Variants in HMMR observed in about 807,000 individuals in gnomAD.
The protein encoded by HMMR is intracellular hyaluronic acid-binding protein.
A neutral mutation model predicts 101.0 loss-of-function variants in HMMR; 108 were observed. The ratio of observed to expected loss-of-function variants is 1.07; its 90% CI spans 0.92 to 1.25. The LOEUF (loss-of-function observed/expected upper bound fraction) is 1.25. HMMR is among the 50% of genes most tolerant of loss of function. HMMR has a pLI of 0.00. For missense variants in HMMR, 813 were observed against 788.7 expected (o/e 1.03, Z -0.37); for synonymous variants, 296 against 276.4 (o/e 1.07, Z -0.70).
At chr5:163,468,824 T>C (rs937239392) in intron 4 of HMMR, among the ~76,000 whole-genome samples, 1 of 152,154 alleles carries the variant, frequency 6.6e-6, no homozygotes, top group African/African-American at 2.4e-5. Context: ...ATTAAAAATA[T>C]CATTTCATTG....
At chr5:163,469,313 G>A (rs1433901868) in intron 4 of HMMR, among the ~76,000 whole-genome samples, 4 of 149,794 alleles carry the variant, frequency 2.7e-5, no homozygotes, top group Non-Finnish European at 5.9e-5. Flanking sequence ...GCAGTGAGCC[G>A]AGATCGTGCC....
intron 12 of HMMR, among the ~76,000 whole-genome samples, chr5:163,482,199 G>A (rs1759291715): frequency 6.6e-6 from 1 of 152,154 alleles, no homozygotes; most frequent in Admixed American, 6.6e-5. Flanking sequence ...TTACAGGCAT[G>A]AGCCACCACG....
chr5:163,460,843 C>A, intron 1 of HMMR, 105 bp downstream of exon 1: 4 of 932,010 alleles, frequency 4.3e-6, no homozygotes, highest in Non-Finnish European at 6.9e-6. Context: ...TAGGGTCGGG[C>A]TGGGGCTCAT....
intron 3 of HMMR, among the ~76,000 whole-genome samples, chr5:163,466,765 G>A (rs541749696): frequency 2.0e-5 from 3 of 152,002 alleles, no homozygotes; most frequent in Non-Finnish European, 4.4e-5. Flanking sequence ...AAATATATTT[G>A]ATATGTTGGG....
intron 7 of HMMR, among the ~76,000 whole-genome samples, chr5:163,472,348 C>T (rs1171733243): frequency 6.6e-6 from 1 of 152,052 alleles, no homozygotes; most frequent in African/African-American, 2.4e-5. Context: ...CATCTCTTTA[C>T]TCTTCTCCTT....
At chr5:163,461,673 GACT>G (rs1561633751) in intron 1 of HMMR, among the ~76,000 whole-genome samples, 1 of 151,826 alleles carries the variant, frequency 6.6e-6, no homozygotes, top group Non-Finnish European at 1.5e-5. Flanking sequence ...AGTCCCAGCT[GACT>G]ACAGGCTGAG....
intron 3 of HMMR, 42 bp downstream of exon 3, chr5:163,464,844 A>T: frequency 8.6e-7 from 1 of 1,158,700 alleles, no homozygotes; most frequent in Admixed American, 1.8e-5. Context: ...CAAGTGTATC[A>T]TCAAAAACAT....
Position 163,483,384 on chromosome 5 carries a change from T to A in HMMR, c.1785+17T>A. 1 of 1,338,066 alleles carries A rather than the reference T, an allele frequency of 7.5e-7. No homozygotes were observed. Among genetic ancestry groups the A allele is most frequent in the Non-Finnish European group, 1.1e-6 (1 of 939,112 alleles). The allele number at this position is 1,338,066 out of a possible 1,614,324, so 82.9% of individuals were successfully genotyped here. A position where few individuals can be genotyped will look rare whatever the true frequency, so the allele number is the denominator to read the frequency against. On this transcript the variant is annotated intron_variant, in intron 15 of 17. Coordinates refer to ENST00000393915, the MANE Select transcript of HMMR (RefSeq NM_001142556.2). ...CCTTTTCAGGTTTGTCAGTTAGGAG[T>A]AAACTTACTTGTGTTTATTTTAGGG...
chr5:163,474,252 A>C, intron 10 of HMMR, 47 bp downstream of exon 10: 1 of 1,440,228 alleles, frequency 6.9e-7, no homozygotes, highest in African/African-American at 1.4e-5. Flanking sequence ...TGTGTCATAC[A>C]TTTCCCTATG....
Position 163,483,319 on chromosome 5 carries a change from G to GT in HMMR, c.1738dup (p.Trp580LeufsTer6). 1 of 1,610,420 alleles carries GT rather than the reference G, an allele frequency of 6.2e-7. No individual in the cohort carries two copies. Among genetic ancestry groups the GT allele is most frequent in the Non-Finnish European group, 8.5e-7 (1 of 1,176,996 alleles). ...CAGAATTAACTGAAGAAATTAACAA[G>GT]TGGCGTCTCCTCTATGAAGAACTAT... On this transcript the variant is annotated frameshift_variant, in exon 15 of 18. Transcript: ENST00000393915. LOFTEE classifies it high-confidence loss of function.
At chr5:163,490,305 T>C (rs749118742) in intron 16 of HMMR, 85 bp from the exon 17 acceptor site, 19 of 856,494 alleles carry the variant, frequency 2.2e-5, no homozygotes, top group South Asian at 3.6e-5. Flanking sequence ...TAAACAACTT[T>C]GGAATTTGCC....
chr5:163,479,818 T>C (rs1263386873), intron 12 of HMMR, among the ~76,000 whole-genome samples: 1 of 152,204 alleles, frequency 6.6e-6, no homozygotes, highest in African/African-American at 2.4e-5. Context: ...TTTTCTTCTC[T>C]TGACAGAGAA....
intron 2 of HMMR, 75 bp from the exon 3 acceptor site, chr5:163,464,648 T>A (rs908744945): frequency 5.0e-6 from 5 of 996,100 alleles, no homozygotes; most frequent in Admixed American, 4.4e-5. Context: ...GACAAAAAAA[T>A]TTGGAAATTG....
chr5:163,489,752 G>A (rs954923301), intron 16 of HMMR, among the ~76,000 whole-genome samples: 2 of 152,148 alleles, frequency 1.3e-5, no homozygotes, highest in Admixed American at 6.5e-5. Context: ...ATTTGTCCAG[G>A]ATATAACTGC....
intron 4 of HMMR, among the ~76,000 whole-genome samples, 172 bp downstream of exon 4, chr5:163,467,920 G>A (rs1047132308): frequency 5.9e-5 from 9 of 152,130 alleles, no homozygotes; most frequent in African/African-American, 1.7e-4. Flanking sequence ...AGATCTATCC[G>A]GGCTATGTTA....
intron 16 of HMMR, among the ~76,000 whole-genome samples, chr5:163,485,165 A>G (rs1759433681): frequency 6.6e-6 from 1 of 152,140 alleles, no homozygotes; most frequent in African/African-American, 2.4e-5. Context: ...AGATCATTTG[A>G]TAACTCTACA....
At chr5:163,465,844 C>A (rs1237579767) in intron 3 of HMMR, among the ~76,000 whole-genome samples, 1 of 151,822 alleles carries the variant, frequency 6.6e-6, no homozygotes, top group Non-Finnish European at 1.5e-5. Context: ...GCCTGTAGTC[C>A]CAGCTACTTG....
intron 5 of HMMR, among the ~76,000 whole-genome samples, chr5:163,470,061 G>A (rs963304299): frequency 7.2e-5 from 11 of 151,968 alleles, no homozygotes; most frequent in Non-Finnish European, 1.2e-4. Context: ...TCAGCTACTC[G>A]GGAGGCTGAG....
intron 2 of HMMR, among the ~76,000 whole-genome samples, chr5:163,464,456 A>C (rs1381123637): frequency 6.6e-6 from 1 of 152,142 alleles, no homozygotes; most frequent in Non-Finnish European, 1.5e-5. Context: ...TCTCTACTAA[A>C]AATACAGAAA....
Sources: allele counts gnomAD v4.1 joint callset (sites outside exome capture counted in the v4.1 genomes callset), GRCh38; gene constraint gnomAD v4.1.1; transcripts MANE v1.5; gene names NCBI Gene and HGNC (gene_info 2026-07-23, HGNC 2026-07-21).